The following SSH1 variants were observed in gnomAD, a reference collection of about 807,000 sequenced individuals.
SSH1 encodes the protein protein phosphatase Slingshot homolog 1.
Under a neutral mutation model 79.7 loss-of-function variants are expected in SSH1, and 43 were observed. That is an observed-to-expected ratio of 0.54 (90% CI 0.42 to 0.70). The LOEUF (loss-of-function observed/expected upper bound fraction) is 0.70, where lower values mean the gene tolerates loss of function less well. Among genes scored for constraint, SSH1 ranks in the 30% least tolerant of loss-of-function variants. The probability of loss-of-function intolerance (pLI) is 0.00; values close to 1 mark genes in which losing one functional copy is unlikely to be tolerated. For synonymous variants in SSH1, 599 were observed against 538.3 expected (o/e 1.11, Z -1.56); for missense variants, 1,206 against 1,358.8 (o/e 0.89, Z 1.77).
chr12:108,852,278 C>T (rs1391686130), intron 2 of SSH1, among the ~76,000 whole-genome samples: 1 of 150,226 alleles, frequency 6.7e-6, no homozygotes, highest in Non-Finnish European at 1.5e-5. Flanking sequence ...GCTCTGTCGC[C>T]AGGCTGGAGT....
chr12:108,856,973 G>T (rs1221827070), intron 1 of SSH1, among the ~76,000 whole-genome samples: 3 of 152,236 alleles, frequency 2.0e-5, no homozygotes, highest in African/African-American at 7.2e-5. Flanking sequence ...CAAGATGGGG[G>T]TCACACCTGA....
chr12:108,825,871 T>C (rs952671290), intron 2 of SSH1, among the ~76,000 whole-genome samples: 11 of 152,218 alleles, frequency 7.2e-5, no homozygotes, highest in African/African-American at 2.7e-4. Context: ...CCTGCAAAGC[T>C]TGTCACTCTC....
chr12:108,809,457 A>C (rs1216673264), intron 7 of SSH1, among the ~76,000 whole-genome samples: 9 of 70,422 alleles, frequency 1.3e-4, no homozygotes, highest in Admixed American at 1.1e-3. Context: ...ACCCTGTCTC[A>C]AAAAAAAAAA....
rs984764074 is a variant in SSH1 at position 108,781,751 on chromosome 12, A to G, written c.*6237T>C. 3.3e-5 allele frequency: 5 copies of G among 152,182 alleles called. No individual in the cohort carries two copies. The highest frequency in any genetic ancestry group is 4.8e-5 in the African/African-American group (2 of 41,446). 9.4% of individuals were successfully genotyped at this position (152,182 alleles called of 1,614,324 possible). A position where few individuals can be genotyped will look rare whatever the true frequency, so the allele number is the denominator to read the frequency against. Reference sequence around the variant, plus strand: ...AGTAGAAATGATGTATCGCATCCAGACAGAGGAGACTGAGTGAATGTGACT... The same window carrying G: ...AGTAGAAATGATGTATCGCATCCAGGCAGAGGAGACTGAGTGAATGTGACT... On this transcript the variant is annotated 3_prime_UTR_variant, in exon 15 of 15. Transcript: ENST00000326495.
rs925777790 is a variant in SSH1 at position 108,820,016 on chromosome 12, G to C, written c.215-1703C>G. Among the ~76,000 whole-genome samples the C allele has an allele frequency of 3.3e-5, 5 of 152,070 alleles. No individual in the cohort carries two copies. The East Asian group carries it at 9.6e-4, about 29-fold the overall frequency. ...GAAATTTGTGCCTCTAGCCAGGAGG[G>C]TAGATCTCATGTTAAGCGTTCTTTC... On this transcript the variant is annotated intron_variant, in intron 3 of 14. Coordinates refer to ENST00000326495, the MANE Select transcript of SSH1 (RefSeq NM_018984.4).
chr12:108,855,193 A>G (rs1462628905), intron 1 of SSH1, among the ~76,000 whole-genome samples: 3 of 152,268 alleles, frequency 2.0e-5, no homozygotes, highest in South Asian at 2.1e-4. Flanking sequence ...TACAATATGC[A>G]TGAACTTTGA....
chr12:108,853,171 T>C, intron 1 of SSH1: 1 of 985,456 alleles, frequency 1.0e-6, no homozygotes, highest in Non-Finnish European at 1.2e-6. Context: ...TCAGGCCGTC[T>C]GTTTGTGGGT....
chr12:108,794,789 TCTTTACCCTAAAG>T (rs1477287246), intron 13 of SSH1, among the ~76,000 whole-genome samples: 1 of 151,922 alleles, frequency 6.6e-6, no homozygotes, highest in Non-Finnish European at 1.5e-5. Flanking sequence ...GTCCCCAAGA[TCTTTACCCTAAAG>T]CTTTTCGGTT....
chr12:108,854,846 G>A (rs561366654), intron 1 of SSH1, among the ~76,000 whole-genome samples: 5 of 152,276 alleles, frequency 3.3e-5, no homozygotes, highest in Admixed American at 1.3e-4. Context: ...GGGCAGAACC[G>A]GCCTGGCCTA....
At chr12:108,792,930 G>A (rs2036577686) in intron 13 of SSH1, 101 bp from the exon 14 acceptor site, 7 of 1,439,844 alleles carry the variant, frequency 4.9e-6, no homozygotes, top group Non-Finnish European at 6.7e-6. Context: ...CCCAAGGTCA[G>A]GGCGCCAGGG....
intron 2 of SSH1, among the ~76,000 whole-genome samples, chr12:108,839,954 G>A (rs1432240848): frequency 1.3e-5 from 2 of 152,184 alleles, no homozygotes; most frequent in Non-Finnish European, 2.9e-5. Flanking sequence ...GGCCCTGAGA[G>A]GAGGAAGGCA....
chr12:108,809,864 A>T, intron 6 of SSH1, 106 bp from the exon 7 acceptor site: 1 of 918,844 alleles, frequency 1.1e-6, no homozygotes. Flanking sequence ...GCTGGGAACA[A>T]GCACATCTCA....
At chr12:108,847,448 T>C (rs1262045098) in intron 2 of SSH1, among the ~76,000 whole-genome samples, 1 of 152,172 alleles carries the variant, frequency 6.6e-6, no homozygotes, top group Non-Finnish European at 1.5e-5. Flanking sequence ...GTTCATCCAT[T>C]TAAACTGTTC....
At chr12:108,813,532 T>C (rs1056774395) in intron 5 of SSH1, among the ~76,000 whole-genome samples, 1 of 150,274 alleles carries the variant, frequency 6.7e-6, no homozygotes, top group Non-Finnish European at 1.5e-5. Flanking sequence ...TGGGCAATAG[T>C]GATTTTTTTA....
chr12:108,826,284 G>A (rs1408565504), intron 2 of SSH1: 9 of 391,372 alleles, frequency 2.3e-5, no homozygotes, highest in South Asian at 5.7e-5. Context: ...CCTCCTCCAT[G>A]TTCCTACACT....
chr12:108,844,053 G>C (rs1472033563), intron 2 of SSH1, among the ~76,000 whole-genome samples: 4 of 152,182 alleles, frequency 2.6e-5, no homozygotes, highest in African/African-American at 9.7e-5. Flanking sequence ...TTACCATGAA[G>C]GAAGTACGGG....
In SSH1 at chr12:108,788,159, G is replaced by T. The variant is rs753054927; in HGVS notation, c.2979C>A (p.Ser993=). 6.2e-7 allele frequency: 1 copy of T among 1,614,022 alleles called. No individual in the cohort carries two copies. The highest frequency in any genetic ancestry group is 1.1e-5 in the South Asian group (1 of 91,052). Reference sequence around the variant, plus strand: ...CGACGGTGGACGGGTCAGCCTCACTGGACAGGTCTTCCGTTGAGAAGGTGA... The same window carrying T: ...CGACGGTGGACGGGTCAGCCTCACTTGACAGGTCTTCCGTTGAGAAGGTGA... ...GSLTFSTEDL[S]SEADPSTVAD... is the part of the protein sequence containing the mutation. The change falls in exon 15 of 15, where the codon TCC becomes TCA. Residue 993 remains serine (S), a synonymous_variant. Coordinates refer to ENST00000326495, the MANE Select transcript of SSH1 (RefSeq NM_018984.4).
intron 4 of SSH1, among the ~76,000 whole-genome samples, chr12:108,817,973 G>A (rs1017749148): frequency 3.7e-4 from 56 of 152,174 alleles, no homozygotes; most frequent in Non-Finnish European, 7.5e-4. Context: ...GCAGAGGCAG[G>A]AGAATCATTT....
Position 108,778,736 on chromosome 12 carries a change from G to A in SSH1, c.*9252C>T, listed in dbSNP as rs530318547. Reference sequence around the variant, plus strand: ...GATCCAATTTCAAGAGCAAGAGGGAGGTCTACCACCACCACCACCACCACC... The same window carrying A: ...GATCCAATTTCAAGAGCAAGAGGGAAGTCTACCACCACCACCACCACCACC... On this transcript the variant is annotated 3_prime_UTR_variant, in exon 15 of 15. Coordinates refer to ENST00000326495, the MANE Select transcript of SSH1 (RefSeq NM_018984.4). 2.0e-4 allele frequency: 30 copies of A among 153,452 alleles called. No homozygotes were observed. The South Asian group carries it at 3.3e-3, about 17-fold the overall frequency. 9.5% of individuals were successfully genotyped at this position (153,452 alleles called of 1,614,324 possible). A position where few individuals can be genotyped will look rare whatever the true frequency, so the allele number is the denominator to read the frequency against.
Sources: gnomAD v4.1 joint callset for allele counts (sites outside exome capture counted in the v4.1 genomes callset) on GRCh38, gnomAD v4.1.1 for gene constraint, MANE v1.5 for transcripts, NCBI Gene and HGNC (gene_info 2026-07-23, HGNC 2026-07-21) for gene names.